THSD4: variants seen among roughly 807,000 people sequenced by gnomAD.
The protein encoded by THSD4 is thrombospondin type-1 domain-containing protein 4.
THSD4 carries 69 observed loss-of-function variants against 119.0 expected under a neutral mutation model. That is an observed-to-expected ratio of 0.58 (90% CI 0.48 to 0.71). THSD4 has a LOEUF of 0.71. Among genes scored for constraint, THSD4 ranks in the 30% least tolerant of loss-of-function variants. The probability of loss-of-function intolerance (pLI) is 0.00; values close to 1 mark genes in which losing one functional copy is unlikely to be tolerated. For synonymous variants in THSD4, 524 were observed against 540.4 expected, an observed-to-expected ratio of 0.97 and a Z score of 0.42; for missense variants, 1,393 against 1,391.1, an observed-to-expected ratio of 1.00 and a Z score of -0.02.
chr15:71,635,534 A>G (rs1357260380), intron 7 of THSD4, among the ~76,000 whole-genome samples: 2 of 152,244 alleles, frequency 1.3e-5, no homozygotes, highest in African/African-American at 4.8e-5. Flanking sequence ...AAAAGGCTGA[A>G]AAGAGTTGAG....
chr15:71,410,052 G>A (rs533361556), intron 6 of THSD4, among the ~76,000 whole-genome samples: 1 of 152,212 alleles, frequency 6.6e-6, no homozygotes, highest in African/African-American at 2.4e-5. Flanking sequence ...CATTTACTGA[G>A]CACCCTCTGT....
rs529679114 is a variant in THSD4, at chr15:71,679,340, T to C, written c.1357+18606T>C. ...TTTTGGAAAGACCATATAGTAAATATCTTGGGCTTTGCAGGCCATTTGGCC... is the reference window on the plus strand; with the variant it reads ...TTTTGGAAAGACCATATAGTAAATACCTTGGGCTTTGCAGGCCATTTGGCC... On this transcript the variant is annotated intron_variant, in intron 8 of 17. Coordinates refer to ENST00000261862, the MANE Select transcript of THSD4 (RefSeq NM_024817.3). 5.3e-5 allele frequency among the ~76,000 whole-genome samples: 8 copies of C among 152,328 alleles called. No homozygotes were observed. The South Asian group carries it at 1.4e-3, about 28-fold the overall frequency.
chr15:71,346,564 G>C (rs937647076), intron 6 of THSD4, among the ~76,000 whole-genome samples: 2 of 152,102 alleles, frequency 1.3e-5, no homozygotes, highest in Non-Finnish European at 2.9e-5. Context: ...GGTATGACAC[G>C]ATGTTTCAAG....
At chr15:71,280,533 CTTTCTT>C (rs1197445607) in intron 6 of THSD4, among the ~76,000 whole-genome samples, 1 of 152,150 alleles carries the variant, frequency 6.6e-6, no homozygotes, top group African/African-American at 2.4e-5. Flanking sequence ...ATGATAACAT[CTTTCTT>C]TTTCTGTTCC....
intron 7 of THSD4, among the ~76,000 whole-genome samples, chr15:71,500,140 G>T (rs114390054): frequency 6.6e-6 from 1 of 151,894 alleles, no homozygotes; most frequent in Non-Finnish European, 1.5e-5. Flanking sequence ...TCTCACCAAC[G>T]CTTGTTATTA....
intron 6 of THSD4, among the ~76,000 whole-genome samples, chr15:71,277,856 A>G (rs181875327): frequency 6.6e-5 from 10 of 152,296 alleles, no homozygotes; most frequent in Non-Finnish European, 1.0e-4. Flanking sequence ...GCTGGGACTA[A>G]GATGGCACAT....
intron 7 of THSD4, among the ~76,000 whole-genome samples, chr15:71,633,447 G>T (rs1595810001): frequency 6.6e-6 from 1 of 151,914 alleles, no homozygotes; most frequent in South Asian, 2.1e-4. Flanking sequence ...GCTTATTTTT[G>T]TATTTTTCGT....
intron 7 of THSD4, among the ~76,000 whole-genome samples, chr15:71,446,221 C>G (rs551644512): frequency 4.6e-5 from 7 of 152,186 alleles, no homozygotes; most frequent in Admixed American, 2.0e-4. Flanking sequence ...GTTCTTTGTT[C>G]TTCTTCCCGC....
chr15:71,422,782 ATTCC>A (rs1257863923), intron 7 of THSD4, among the ~76,000 whole-genome samples: 1 of 152,108 alleles, frequency 6.6e-6, no homozygotes, highest in African/African-American at 2.4e-5. Flanking sequence ...AGGGTGGCAA[ATTCC>A]TTCCAGCCCT....
intron 7 of THSD4, among the ~76,000 whole-genome samples, chr15:71,447,045 G>A (rs1331625444): frequency 6.6e-6 from 1 of 151,724 alleles, no homozygotes; most frequent in African/African-American, 2.4e-5. Flanking sequence ...TGTTAGCATG[G>A]AGGAAGGGGG....
chr15:71,749,988 C>T (rs1331611926), intron 14 of THSD4, among the ~76,000 whole-genome samples: 2 of 152,110 alleles, frequency 1.3e-5, no homozygotes, highest in East Asian at 1.9e-4. Flanking sequence ...CTCGGCCTCC[C>T]GAAGCCCTGG....
chr15:71,273,609 A>G (rs185649633), intron 6 of THSD4, among the ~76,000 whole-genome samples: 4 of 152,330 alleles, frequency 2.6e-5, no homozygotes, highest in Admixed American at 2.6e-4. Flanking sequence ...TTCTTATTCC[A>G]CAATGTATAC....
chr15:71,491,971 T>A (rs1434829802), intron 7 of THSD4, among the ~76,000 whole-genome samples: 2 of 152,216 alleles, frequency 1.3e-5, no homozygotes, highest in African/African-American at 4.8e-5. Flanking sequence ...CAGTATCTTA[T>A]TTTTGCTTGC....
At chr15:71,659,168 C>T (rs2051247948) in intron 7 of THSD4, among the ~76,000 whole-genome samples, 1 of 152,148 alleles carries the variant, frequency 6.6e-6, no homozygotes, top group African/African-American at 2.4e-5. Flanking sequence ...ATTAGAATAC[C>T]ATTCTGATTT....
At chr15:71,381,253 C>A (rs1327809193) in intron 6 of THSD4, among the ~76,000 whole-genome samples, 1 of 152,160 alleles carries the variant, frequency 6.6e-6, no homozygotes, top group Non-Finnish European at 1.5e-5. Context: ...TTTTAAATAT[C>A]AATTTTGTTT....
chr15:71,297,324 G>GTTTGTTTGTTTTTTTGTTTGT (rs2044878104), intron 6 of THSD4, among the ~76,000 whole-genome samples: 1 of 66,684 alleles, frequency 1.5e-5, no homozygotes, highest in Admixed American at 1.7e-4. Flanking sequence ...TCTTTTTTTT[G>GTTTGTTTGTTTTTTTGTTTGT]TTTGTTTGTT....
At chr15:71,675,130 C>T (rs2051614648) in intron 8 of THSD4, among the ~76,000 whole-genome samples, 1 of 152,090 alleles carries the variant, frequency 6.6e-6, no homozygotes, top group South Asian at 2.1e-4. Flanking sequence ...TAGTGGGCCC[C>T]TAGATTGCTT....
At chr15:71,438,249 C>CT (rs1257432050) in intron 7 of THSD4, among the ~76,000 whole-genome samples, 1 of 151,784 alleles carries the variant, frequency 6.6e-6, no homozygotes, top group Non-Finnish European at 1.5e-5. Context: ...CTTGTAGGAG[C>CT]TTTTTATGCA....
At chr15:71,158,248 G>T (rs2040800541) in intron 3 of THSD4, among the ~76,000 whole-genome samples, 1 of 150,338 alleles carries the variant, frequency 6.7e-6, no homozygotes, top group Non-Finnish European at 1.5e-5. Context: ...CCACCTCCTG[G>T]GCTCAAGTGA....
Sources: allele counts gnomAD v4.1 joint callset (sites outside exome capture counted in the v4.1 genomes callset), GRCh38; gene constraint gnomAD v4.1.1; transcripts MANE v1.5; gene names NCBI Gene and HGNC (gene_info 2026-07-23, HGNC 2026-07-21).